The following CORO2A variants were observed in gnomAD, a reference collection of about 807,000 sequenced individuals.
CORO2A encodes coronin-2A.
Under a neutral mutation model 62.4 loss-of-function variants are expected in CORO2A, and 47 were observed. The observed-to-expected ratio is 0.75, with a 90% CI of 0.60 to 0.96. The LOEUF (loss-of-function observed/expected upper bound fraction) is 0.96, where lower values mean the gene tolerates loss of function less well. CORO2A is among the 40% of genes least tolerant of loss of function. The pLI is 0.00. For missense variants in CORO2A, 610 were observed against 684.1 expected, an observed-to-expected ratio of 0.89 and a Z score of 1.21; for synonymous variants, 273 against 268.9, an observed-to-expected ratio of 1.02 and a Z score of -0.15.
rs1226368675 is a variant in CORO2A, at chr9:98,166,151, T to A, written c.1-8491A>T. On this transcript the variant is annotated intron_variant, in intron 1 of 11. Coordinates refer to ENST00000375077, the MANE Select transcript of CORO2A (RefSeq NM_052820.4). ...AGAAACATGTTAACAGCCACACAGA[T>A]ACAATCAGGAAAAAAACACAGGACA... is the stretch of plus-strand genomic sequence containing the variant. Among the ~76,000 whole-genome samples, 3 of 152,180 alleles carry A rather than the reference T, an allele frequency of 2.0e-5. No individual in the cohort carries two copies. The East Asian group carries it at 5.8e-4, about 29-fold the overall frequency.
intron 1 of CORO2A, among the ~76,000 whole-genome samples, chr9:98,187,080 C>T (rs891679726): frequency 2.0e-5 from 3 of 151,950 alleles, no homozygotes; most frequent in African/African-American, 7.3e-5. Context: ...GAGATTGAGG[C>T]CATCCTGGCT....
intron 1 of CORO2A, among the ~76,000 whole-genome samples, chr9:98,160,203 T>C (rs546145219): frequency 6.6e-6 from 1 of 152,268 alleles, no homozygotes; most frequent in East Asian, 1.9e-4. Flanking sequence ...GACTGACTAA[T>C]TAATGCCCAT....
At chr9:98,158,935 T>TG (rs1314359783) in intron 1 of CORO2A, among the ~76,000 whole-genome samples, 1 of 152,118 alleles carries the variant, frequency 6.6e-6, no homozygotes, top group Non-Finnish European at 1.5e-5. Flanking sequence ...AAGTGGCCTG[T>TG]GAGAGGGTCT....
chr9:98,161,253 G>T (rs1339436283), intron 1 of CORO2A, among the ~76,000 whole-genome samples: 1 of 152,068 alleles, frequency 6.6e-6, no homozygotes, highest in East Asian at 1.9e-4. Context: ...AGCTACTGGA[G>T]AAATTAAAGG....
chr9:98,134,934 T>C lies in CORO2A; in HGVS notation c.340A>G (p.Lys114Glu). Reference sequence around the variant, plus strand: ...GTGAGGTTCCTGGTCAGCAGCTGCTTGGGGATGCTCCAGATCTTAATCTGG... The same window carrying C: ...GTGAGGTTCCTGGTCAGCAGCTGCTCGGGGATGCTCCAGATCTTAATCTGG... Reference protein sequence around the residue: ...DATIKIWSIPKQLLTRNLTAY... With the variant: ...DATIKIWSIPEQLLTRNLTAY... The change falls in exon 4 of 12, where the codon AAG becomes GAG. Residue 114 changes from lysine (K) to glutamate (E), a missense_variant. Transcript: ENST00000375077. 1 of 1,614,016 alleles carries C rather than the reference T, an allele frequency of 6.2e-7. No individual in the cohort carries two copies. The highest frequency in any genetic ancestry group is 8.5e-7 in the Non-Finnish European group (1 of 1,179,976).
chr9:98,155,619 A>T (rs1588003876), intron 2 of CORO2A, among the ~76,000 whole-genome samples: 1 of 152,188 alleles, frequency 6.6e-6, no homozygotes, highest in Non-Finnish European at 1.5e-5. Context: ...TGCTGGGATT[A>T]AAGGCATGAG....
chr9:98,132,058 C>T (rs1386940177), intron 6 of CORO2A, 127 bp downstream of exon 6: 16 of 787,010 alleles, frequency 2.0e-5, no homozygotes, highest in South Asian at 1.6e-4. Context: ...TCCCCGGATC[C>T]CCAGCACCTG....
intron 1 of CORO2A, among the ~76,000 whole-genome samples, chr9:98,187,437 C>T (rs1368358447): frequency 2.1e-5 from 3 of 139,954 alleles, no homozygotes; most frequent in African/African-American, 8.1e-5. Flanking sequence ...CCAGCCTAGG[C>T]GGCTGGGCGA....
chr9:98,152,127 T>G (rs115463366), intron 2 of CORO2A, among the ~76,000 whole-genome samples: 488 of 46,784 alleles, frequency 0.01, 2 homozygotes, highest in African/African-American at 0.02. Flanking sequence ...TCTTTTGCTG[T>G]TTTTTTTTTT....
At chr9:98,177,986 G>A (rs1048635154) in intron 1 of CORO2A, among the ~76,000 whole-genome samples, 1 of 152,142 alleles carries the variant, frequency 6.6e-6, no homozygotes, top group African/African-American at 2.4e-5. Flanking sequence ...CTGATGAAGT[G>A]ACTGCAATAG....
intron 1 of CORO2A, among the ~76,000 whole-genome samples, chr9:98,162,084 A>G (rs1827894133): frequency 6.6e-6 from 1 of 152,206 alleles, no homozygotes; most frequent in Admixed American, 6.5e-5. Flanking sequence ...TGAATAGAGC[A>G]AGTGGGTGCT....
At chr9:98,129,725 C>T in intron 8 of CORO2A, 69 bp downstream of exon 8, 1 of 1,240,648 alleles carries the variant, frequency 8.1e-7, no homozygotes, top group South Asian at 1.2e-5. Context: ...AGCCCTGACC[C>T]TGATTCTCCC....
chr9:98,174,121 C>A (rs984987227), intron 1 of CORO2A, among the ~76,000 whole-genome samples: 1 of 148,798 alleles, frequency 6.7e-6, no homozygotes, highest in Admixed American at 6.7e-5. Flanking sequence ...GCCCACCCCC[C>A]ACCGCCAAAA....
In CORO2A at chr9:98,124,152, T is replaced by TA. The variant is rs1440020396; in HGVS notation, c.*621dup. On this transcript the variant is annotated 3_prime_UTR_variant, in exon 12 of 12. Transcript: ENST00000375077. ...CCTCAGCCTCCCAAGTCGCTGGAAT[T>TA]ACAGGCGCCTGCCACCACGCCCAGC... The TA allele has an allele frequency of 6.6e-6, 1 of 152,064 alleles. No homozygotes were observed. Among genetic ancestry groups the TA allele is most frequent in the Non-Finnish European group, 1.5e-5 (1 of 68,036 alleles). 9.4% of individuals were successfully genotyped at this position (152,064 alleles called of 1,614,324 possible).
chr9:98,156,495 A>T (rs1025095857), intron 2 of CORO2A, among the ~76,000 whole-genome samples: 3 of 152,160 alleles, frequency 2.0e-5, no homozygotes, highest in Admixed American at 1.3e-4. Context: ...AGGATTTTTA[A>T]ATTTCCATTT....
chr9:98,189,891 T>A lies in CORO2A; in HGVS notation c.-1+2668A>T, dbSNP rs6478595. Among the ~76,000 whole-genome samples, 40 of 37,176 alleles carry A rather than the reference T, an allele frequency of 1.1e-3. No homozygotes were observed. The East Asian group carries it at 0.011, about 10-fold the overall frequency. The allele number at this position is 37,176 out of a possible 152,430, so 24.4% of individuals were successfully genotyped here. A position where few individuals can be genotyped will look rare whatever the true frequency, so the allele number is the denominator to read the frequency against. ...TCACTAGACGGCAACTCCTTTATTT[T>A]TTTTTTTTTTTGAGATGGAGTCTCG... On this transcript the variant is annotated intron_variant, in intron 1 of 11. Transcript: ENST00000375077.
Position 98,133,077 on chromosome 9 carries a change from CTT to C in CORO2A, c.607_608del (p.Lys203AspfsTer5). ...CTGCTCGGGGGTCAATAACCCGAATCTTGCGGTCTTTGCAGGTGGTGGCCAAC... is the reference window on the plus strand; with the variant it reads ...CTGCTCGGGGGTCAATAACCCGAATCGCGGTCTTTGCAGGTGGTGGCCAAC... ...SLLATTCKDR[K>X]IRVIDPRAGT... On this transcript the variant is annotated frameshift_variant, in exon 5 of 12. Coordinates refer to ENST00000375077, the MANE Select transcript of CORO2A (RefSeq NM_052820.4). LOFTEE classifies it high-confidence loss of function. 6.2e-7 allele frequency: 1 copy of C among 1,614,220 alleles called. No individual in the cohort carries two copies. The highest frequency in any genetic ancestry group is 8.5e-7 in the Non-Finnish European group (1 of 1,180,022).
At chr9:98,127,289 G>A (rs566757023) in intron 10 of CORO2A, among the ~76,000 whole-genome samples, 2 of 152,298 alleles carry the variant, frequency 1.3e-5, no homozygotes, top group East Asian at 1.9e-4. Context: ...GCCCTGGTCC[G>A]CTGCCCCCCA....
At chr9:98,126,912 A>T in intron 10 of CORO2A, 89 bp from the exon 11 acceptor site, 1 of 1,432,742 alleles carries the variant, frequency 7.0e-7, no homozygotes. Flanking sequence ...GCATGCAGAG[A>T]CACTCAGAGC....
Sources: allele counts gnomAD v4.1 joint callset (sites outside exome capture counted in the v4.1 genomes callset), GRCh38; gene constraint gnomAD v4.1.1; transcripts MANE v1.5; gene names NCBI Gene and HGNC (gene_info 2026-07-23, HGNC 2026-07-21).